SPATA16: variants seen among roughly 807,000 people sequenced by gnomAD.
SPATA16 encodes spermatogenesis-associated protein 16.
A neutral mutation model predicts 63.3 loss-of-function variants in SPATA16; 36 were observed. The ratio of observed to expected loss-of-function variants is 0.57; its 90% CI spans 0.44 to 0.75. SPATA16 has a LOEUF of 0.75. Ranked by LOEUF, SPATA16 falls within the 30% of genes least tolerant of loss-of-function variation. The pLI, the probability that SPATA16 is intolerant of heterozygous loss-of-function variation, is 0.00. For missense variants in SPATA16, 646 were observed against 679.3 expected, an observed-to-expected ratio of 0.95 and a Z score of 0.54; for synonymous variants, 203 against 216.7, an observed-to-expected ratio of 0.94 and a Z score of 0.56.
At chr3:172,936,833 A>G (rs1398882976) in intron 6 of SPATA16, among the ~76,000 whole-genome samples, 2 of 152,102 alleles carry the variant, frequency 1.3e-5, no homozygotes, top group Non-Finnish European at 2.9e-5. Context: ...TCAGCCTCCC[A>G]GGTAGCTGGG....
At chr3:173,090,471 A>C (rs899334427) in intron 2 of SPATA16, among the ~76,000 whole-genome samples, 25 of 152,198 alleles carry the variant, frequency 1.6e-4, no homozygotes, top group Admixed American at 1.3e-4. Flanking sequence ...AATGATGCTA[A>C]AGTCTTACAT....
intron 9 of SPATA16, 86 bp downstream of exon 9, chr3:172,916,231 A>ACTTTTG: frequency 9.1e-7 from 1 of 1,101,274 alleles, no homozygotes; most frequent in Non-Finnish European, 1.3e-6. Flanking sequence ...TTACCACAGG[A>ACTTTTG]TTTTTTTTTT....
At chr3:172,959,881 C>A (rs1000613746) in intron 5 of SPATA16, among the ~76,000 whole-genome samples, 9 of 147,016 alleles carry the variant, frequency 6.1e-5, no homozygotes, top group African/African-American at 2.3e-4. Flanking sequence ...AAAAACTTAG[C>A]CTTTGTATTC....
chr3:173,141,167 A>G lies in SPATA16; in HGVS notation c.-83T>C, dbSNP rs897584210. 4 of 152,300 alleles carry G rather than the reference A, an allele frequency of 2.6e-5. No homozygotes were observed. Among genetic ancestry groups the G allele is most frequent in the African/African-American group, 9.7e-5 (4 of 41,448 alleles). The allele number at this position is 152,300 out of a possible 1,614,324, so 9.4% of individuals were successfully genotyped here. On this transcript the variant is annotated 5_prime_UTR_variant, in exon 1 of 11. An upstream start codon of the reference 5' UTR is lost. Coordinates refer to ENST00000351008, the MANE Select transcript of SPATA16 (RefSeq NM_031955.6). ...GCTCTGGACTCCTCCCAGCCACAGC[A>G]TCTGCCAACACCGGCTTCCCAACGT... is the stretch of plus-strand genomic sequence containing the variant.
intron 6 of SPATA16, among the ~76,000 whole-genome samples, chr3:172,932,254 G>T (rs1016929570): frequency 1.3e-5 from 2 of 152,112 alleles, no homozygotes; most frequent in African/African-American, 4.8e-5. Flanking sequence ...AAATCATAGA[G>T]ATTTAAAAAC....
At chr3:173,137,294 T>C (rs1316567822) in intron 1 of SPATA16, among the ~76,000 whole-genome samples, 2 of 152,104 alleles carry the variant, frequency 1.3e-5, no homozygotes, top group African/African-American at 4.8e-5. Context: ...TCCCATTATC[T>C]TGAAGGAATA....
intron 6 of SPATA16, among the ~76,000 whole-genome samples, chr3:172,948,307 C>T (rs1471646810): frequency 6.6e-6 from 1 of 152,094 alleles, no homozygotes; most frequent in Non-Finnish European, 1.5e-5. Context: ...ACCTTATAGG[C>T]CAGGCCGGAG....
chr3:173,072,372 A>G (rs1736695184), intron 2 of SPATA16, among the ~76,000 whole-genome samples: 1 of 152,184 alleles, frequency 6.6e-6, no homozygotes, highest in Non-Finnish European at 1.5e-5. Flanking sequence ...TTGGGTACTC[A>G]TGAATACAAA....
At chr3:173,053,017 T>C (rs923792676) in intron 2 of SPATA16, among the ~76,000 whole-genome samples, 3 of 152,098 alleles carry the variant, frequency 2.0e-5, no homozygotes, top group African/African-American at 7.2e-5. Context: ...AAGTCTAAAT[T>C]CTTATGAGTA....
intron 4 of SPATA16, among the ~76,000 whole-genome samples, chr3:173,005,061 G>A (rs940624623): frequency 1.3e-5 from 2 of 152,194 alleles, no homozygotes; most frequent in African/African-American, 2.4e-5. Flanking sequence ...GGTGGCTCAC[G>A]CCTGTATTCC....
chr3:172,921,609 A>G (rs140752365), intron 8 of SPATA16, among the ~76,000 whole-genome samples: 3 of 152,344 alleles, frequency 2.0e-5, no homozygotes, highest in Admixed American at 2.0e-4. Flanking sequence ...TTCATATTAG[A>G]AGAAAAATAG....
At chr3:172,980,175 A>G (rs938247699) in intron 4 of SPATA16, among the ~76,000 whole-genome samples, 3 of 152,244 alleles carry the variant, frequency 2.0e-5, no homozygotes, top group African/African-American at 7.2e-5. Context: ...TTGTGAGGGA[A>G]GAGCCATGGG....
intron 6 of SPATA16, among the ~76,000 whole-genome samples, chr3:172,933,577 A>C (rs1452692412): frequency 6.6e-6 from 1 of 152,214 alleles, no homozygotes; most frequent in African/African-American, 2.4e-5. Flanking sequence ...GAGTTAGCGG[A>C]ACACCAGGTA....
intron 2 of SPATA16, among the ~76,000 whole-genome samples, chr3:173,114,179 C>CAAAA (rs34754459): frequency 1.5e-5 from 1 of 66,296 alleles, no homozygotes; most frequent in African/African-American, 5.5e-5. Flanking sequence ...GACTCCATCT[C>CAAAA]AAAAAAAAAA....
intron 2 of SPATA16, among the ~76,000 whole-genome samples, chr3:173,091,805 A>G (rs1485213974): frequency 1.3e-5 from 2 of 152,182 alleles, no homozygotes; most frequent in Non-Finnish European, 2.9e-5. Context: ...TTGAGAAACT[A>G]TAGGCCAGGT....
intron 3 of SPATA16, among the ~76,000 whole-genome samples, chr3:173,021,489 A>G (rs1324063698): frequency 6.6e-6 from 1 of 152,212 alleles, no homozygotes. Flanking sequence ...TAAAATGATC[A>G]CATGGGTTCA....
chr3:173,020,218 A>AC (rs559122704), intron 3 of SPATA16, among the ~76,000 whole-genome samples: 64 of 151,376 alleles, frequency 4.2e-4, no homozygotes, highest in Non-Finnish European at 7.2e-4. Context: ...AATTGCTTGA[A>AC]CCCGGGAGGC....
intron 2 of SPATA16, among the ~76,000 whole-genome samples, chr3:173,078,437 G>C (rs1376762936): frequency 6.6e-6 from 1 of 152,160 alleles, no homozygotes; most frequent in Admixed American, 6.6e-5. Context: ...CATATTTTTA[G>C]AATGGGGAAT....
chr3:172,983,725 A>G (rs940200735), intron 4 of SPATA16, among the ~76,000 whole-genome samples: 1 of 151,978 alleles, frequency 6.6e-6, no homozygotes, highest in Non-Finnish European at 1.5e-5. Context: ...TAGTAAATTC[A>G]TTCAAGCCAA....
Sources: gnomAD v4.1 joint callset for allele counts (sites outside exome capture counted in the v4.1 genomes callset) on GRCh38, gnomAD v4.1.1 for gene constraint, MANE v1.5 for transcripts, NCBI Gene and HGNC (gene_info 2026-07-23, HGNC 2026-07-21) for gene names.